PRKAA2: variants seen among roughly 807,000 people sequenced by gnomAD.
The protein encoded by PRKAA2 is 5'-AMP-activated protein kinase catalytic subunit alpha-2.
PRKAA2 carries 40 observed loss-of-function variants against 56.3 expected under a neutral mutation model. That is an observed-to-expected ratio of 0.71 (90% confidence interval 0.55 to 0.92). PRKAA2 has a LOEUF of 0.92. Ranked by LOEUF, PRKAA2 falls within the 40% of genes least tolerant of loss-of-function variation. The pLI, the probability that PRKAA2 is intolerant of heterozygous loss-of-function variation, is 0.00. For synonymous variants in PRKAA2, 214 were observed against 234.2 expected (o/e 0.91, Z 0.79); for missense variants, 542 against 686.9 (o/e 0.79, Z 2.36).
rs560778871 is a variant in PRKAA2 at position 56,662,397 on chromosome 1, CAT to C, written c.95-11983_95-11982del. ...AAAAGATAAAAATAAAAAATATAAACATTTTTAATTTTTAATTTTAATTTCAA... is the reference window on the plus strand; with the variant it reads ...AAAAGATAAAAATAAAAAATATAAACTTTTAATTTTTAATTTTAATTTCAA... On this transcript the variant is annotated intron_variant, in intron 1 of 8. Coordinates refer to ENST00000371244, the MANE Select transcript of PRKAA2 (RefSeq NM_006252.4). Among the ~76,000 whole-genome samples, 33 of 151,918 alleles carry C rather than the reference CAT, an allele frequency of 2.2e-4. 2 individuals carry two copies. The South Asian group carries it at 3.3e-3, about 15-fold the overall frequency.
In PRKAA2 at chr1:56,711,900, G is replaced by A. The variant is rs958342192; in HGVS notation, c.*4187G>A. On this transcript the variant is annotated 3_prime_UTR_variant, in exon 9 of 9. Coordinates refer to ENST00000371244, the MANE Select transcript of PRKAA2 (RefSeq NM_006252.4). ...GAATGTTTCTGTTTTGATTTGGTGA[G>A]GCATGTCAGAGGTATATACTTGAAT... 2 of 152,046 alleles carry A rather than the reference G, an allele frequency of 1.3e-5. No homozygotes were observed. The highest frequency in any genetic ancestry group is 4.8e-5 in the African/African-American group (2 of 41,396). 9.4% of individuals were successfully genotyped at this position (152,046 alleles called of 1,614,324 possible).
chr1:56,670,662 A>G (rs189321966), intron 1 of PRKAA2, among the ~76,000 whole-genome samples: 82 of 152,348 alleles, frequency 5.4e-4, no homozygotes, highest in Non-Finnish European at 1.1e-3. Flanking sequence ...GACAACCAGC[A>G]GTGTAATGTA....
rs1644367492 is a variant in PRKAA2 at position 56,711,300 on chromosome 1, T to G, written c.*3587T>G. The G allele has an allele frequency of 6.6e-6, 1 of 152,142 alleles. No homozygotes were observed. Among genetic ancestry groups the G allele is most frequent in the South Asian group, 2.1e-4 (1 of 4,832 alleles). 9.4% of individuals were successfully genotyped at this position (152,142 alleles called of 1,614,324 possible). On this transcript the variant is annotated 3_prime_UTR_variant, in exon 9 of 9. Transcript: ENST00000371244. ...TTTTACTGTTAAATGAGACATAGTT[T>G]AGAAAAAATCATAAGCAACTATTGT...
intron 2 of PRKAA2, among the ~76,000 whole-genome samples, chr1:56,682,239 A>G (rs563888478): frequency 1.3e-5 from 2 of 152,264 alleles, no homozygotes; most frequent in South Asian, 4.1e-4. Context: ...CAGTAAGTAA[A>G]CAAATTAACA....
chr1:56,704,081 T>C lies in PRKAA2; in HGVS notation c.899T>C (p.Phe300Ser). 1 of 1,614,118 alleles carries C rather than the reference T, an allele frequency of 6.2e-7. No individual in the cohort carries two copies. Among genetic ancestry groups the C allele is most frequent in the Non-Finnish European group, 8.5e-7 (1 of 1,180,018 alleles). ...GCTGTGAAAGAAGTGTGTGAAAAAT[T>C]TGAATGTACAGAATCAGAAGTAATG... Reference protein sequence around the residue: ...DEAVKEVCEKFECTESEVMNS... With the variant: ...DEAVKEVCEKSECTESEVMNS... Residue 300 changes from phenylalanine (F) to serine (S), a missense_variant, in exon 7 of 9, where the codon TTT becomes TCT. Transcript: ENST00000371244.
Position 56,707,956 on chromosome 1 carries a change from T to TG in PRKAA2, c.*243_*244insG, listed in dbSNP as rs1644343928. On this transcript the variant is annotated 3_prime_UTR_variant, in exon 9 of 9. Transcript: ENST00000371244. Reference sequence around the variant, plus strand: ...ATAGGCAATATCTTTAATAGGTTAATATCAATGAAGATTTTTAATTACAAT... The same window carrying TG: ...ATAGGCAATATCTTTAATAGGTTAATGATCAATGAAGATTTTTAATTACAAT... 1.7e-5 allele frequency: 9 copies of TG among 515,138 alleles called. No individual in the cohort carries two copies. The South Asian group carries it at 2.1e-4, about 12-fold the overall frequency. 31.9% of individuals were successfully genotyped at this position (515,138 alleles called of 1,614,324 possible). A position where few individuals can be genotyped will look rare whatever the true frequency, so the allele number is the denominator to read the frequency against.
In PRKAA2 at chr1:56,713,419, GTAGTT is replaced by G. The variant is rs1644382056; in HGVS notation, c.*5710_*5714del. On this transcript the variant is annotated 3_prime_UTR_variant, in exon 9 of 9. Coordinates refer to ENST00000371244, the MANE Select transcript of PRKAA2 (RefSeq NM_006252.4). The stretch of plus-strand genomic sequence containing the variant: ...TTGGTAAAAATGGTTTATATCTAAA[GTAGTT>G]TAGATTTTATGGAAGTGGCTCTTGA... 1.3e-5 allele frequency: 2 copies of G among 152,088 alleles called. No individual in the cohort carries two copies. Among genetic ancestry groups the G allele is most frequent in the South Asian group, 4.1e-4 (2 of 4,826 alleles). 9.4% of individuals were successfully genotyped at this position (152,088 alleles called of 1,614,324 possible).
chr1:56,680,193 T>C (rs1644143246), intron 2 of PRKAA2, among the ~76,000 whole-genome samples: 3 of 152,138 alleles, frequency 2.0e-5, no homozygotes, highest in Non-Finnish European at 4.4e-5. Context: ...CCTACTTTAC[T>C]CACTAAGACT....
In PRKAA2 at chr1:56,664,855, T is replaced by TACACACACACACACACACACAC. The variant is rs67041631; in HGVS notation, c.95-9510_95-9489dup. Among the ~76,000 whole-genome samples, 216 of 139,916 alleles carry TACACACACACACACACACACAC rather than the reference T, an allele frequency of 1.5e-3. 2 individuals are homozygous for TACACACACACACACACACACAC. The highest frequency in any genetic ancestry group is 5.1e-3 in the African/African-American group (186 of 36,812). The allele number at this position is 139,916 out of a possible 152,430, so 91.8% of individuals were successfully genotyped here. ...ACACATGTATGCATAAGTATATGTGTACACACACACACACACACACACACA... is the reference window on the plus strand; with the variant it reads ...ACACATGTATGCATAAGTATATGTGTACACACACACACACACACACACACACACACACACACACACACACACA... On this transcript the variant is annotated intron_variant, in intron 1 of 8. Transcript: ENST00000371244.
In PRKAA2 at chr1:56,709,574, G is replaced by C. The variant is rs1455219570; in HGVS notation, c.*1861G>C. 6.6e-6 allele frequency: 1 copy of C among 152,016 alleles called. No homozygotes were observed. Among genetic ancestry groups the C allele is most frequent in the African/African-American group, 2.4e-5 (1 of 41,394 alleles). The allele number at this position is 152,016 out of a possible 1,614,324, so 9.4% of individuals were successfully genotyped here. ...TCCATTATAGATATGGCATAGTTTT[G>C]GGTTCTCTAAATGGGTCCATACCTC... On this transcript the variant is annotated 3_prime_UTR_variant, in exon 9 of 9. Coordinates refer to ENST00000371244, the MANE Select transcript of PRKAA2 (RefSeq NM_006252.4).
At chr1:56,659,577 G>A (rs775257766) in intron 1 of PRKAA2, among the ~76,000 whole-genome samples, 13 of 150,754 alleles carry the variant, frequency 8.6e-5, no homozygotes, top group Admixed American at 2.7e-4. Context: ...ACAAATTAAC[G>A]TTTTAAAGAA....
At chr1:56,658,919 T>G (rs181671399) in intron 1 of PRKAA2, among the ~76,000 whole-genome samples, 1 of 151,772 alleles carries the variant, frequency 6.6e-6, no homozygotes, top group Admixed American at 6.6e-5. Flanking sequence ...CTTCTCTTCC[T>G]GAGTGGCTGG....
intron 5 of PRKAA2, among the ~76,000 whole-genome samples, chr1:56,694,225 A>G (rs1194626571): frequency 6.6e-6 from 1 of 152,140 alleles, no homozygotes; most frequent in African/African-American, 2.4e-5. Context: ...TATATAGAGC[A>G]TTGTTTTATA....
intron 5 of PRKAA2, 94 bp from the exon 6 acceptor site, chr1:56,695,841 G>A: frequency 9.6e-7 from 1 of 1,040,920 alleles, no homozygotes; most frequent in Non-Finnish European, 1.4e-6. Context: ...AAATGAATAT[G>A]TACTGAATGT....
At chr1:56,648,038 A>G (rs557900897) in intron 1 of PRKAA2, among the ~76,000 whole-genome samples, 5 of 152,020 alleles carry the variant, frequency 3.3e-5, no homozygotes, top group Admixed American at 6.5e-5. Flanking sequence ...TCAAAAAAAA[A>G]AAAAGAAAAG....
At chr1:56,661,860 G>GT (rs1335037436) in intron 1 of PRKAA2, among the ~76,000 whole-genome samples, 1 of 150,076 alleles carries the variant, frequency 6.7e-6, no homozygotes, top group Non-Finnish European at 1.5e-5. Flanking sequence ...ACACAATACT[G>GT]TAACAGGTAC....
At chr1:56,695,389 C>G (rs1424623979) in intron 5 of PRKAA2, among the ~76,000 whole-genome samples, 1 of 151,742 alleles carries the variant, frequency 6.6e-6, no homozygotes, top group Non-Finnish European at 1.5e-5. Flanking sequence ...CAGCGTTTCA[C>G]CATGTTGCCC....
At chr1:56,706,394 C>G (rs548519307) in intron 8 of PRKAA2, among the ~76,000 whole-genome samples, 176 bp downstream of exon 8, 2 of 152,290 alleles carry the variant, frequency 1.3e-5, no homozygotes, top group South Asian at 4.1e-4. Context: ...TTGAATACCT[C>G]TTACCTGGCA....
Position 56,704,115 on chromosome 1 carries a change from A to T in PRKAA2, c.933A>T (p.Leu311Phe). ...CAGAATCAGAAGTAATGAACAGTTTATATAGTGGTGACCCTCAAGACCAGC... is the reference window on the plus strand; with the variant it reads ...CAGAATCAGAAGTAATGAACAGTTTTTATAGTGGTGACCCTCAAGACCAGC... ...ECTESEVMNS[L>F]YSGDPQDQLA... is the part of the protein sequence containing the mutation. Residue 311 changes from leucine (L) to phenylalanine (F), a missense_variant, in exon 7 of 9, where the codon TTA becomes TTT. This residue lies in a region of PRKAA2 where 198 missense variants were observed against 234.0 expected (regional missense o/e 0.85). Coordinates refer to ENST00000371244, the MANE Select transcript of PRKAA2 (RefSeq NM_006252.4). 2 of 1,614,204 alleles carry T rather than the reference A, an allele frequency of 1.2e-6. No homozygotes were observed. The highest frequency in any genetic ancestry group is 1.1e-5 in the South Asian group (1 of 91,090).
Sources: allele counts gnomAD v4.1 joint callset (sites outside exome capture counted in the v4.1 genomes callset), GRCh38; gene constraint gnomAD v4.1.1; regional missense constraint gnomAD v4.1.1; transcripts MANE v1.5; gene names NCBI Gene and HGNC (gene_info 2026-07-23, HGNC 2026-07-21).